MARCHF1: variants seen among roughly 807,000 people sequenced by gnomAD.
MARCHF1 encodes membrane associated ring-CH-type finger 1.
Under a neutral mutation model 54.2 loss-of-function variants are expected in MARCHF1, and 40 were observed. That is an observed-to-expected ratio of 0.74 (90% CI 0.57 to 0.96). MARCHF1 has a LOEUF of 0.96. Ranked by LOEUF, MARCHF1 falls within the 40% of genes least tolerant of loss-of-function variation. MARCHF1 has a pLI of 0.00. For synonymous variants in MARCHF1, 236 were observed against 236.3 expected (o/e 1.00, Z 0.01); for missense variants, 586 against 656.5 (o/e 0.89, Z 1.17).
At chr4:163,891,011 T>C (rs1359944125) in intron 3 of MARCHF1, among the ~76,000 whole-genome samples, 1 of 152,284 alleles carries the variant, frequency 6.6e-6, no homozygotes, top group East Asian at 1.9e-4. Flanking sequence ...TTTATTTTTC[T>C]GACTTAACCC....
chr4:164,047,099 T>C (rs553016152), intron 2 of MARCHF1, among the ~76,000 whole-genome samples: 1 of 152,296 alleles, frequency 6.6e-6, no homozygotes, highest in South Asian at 2.1e-4. Flanking sequence ...TTGCTAAGGA[T>C]ATATCCAAAT....
In MARCHF1 at chr4:164,325,022, A is replaced by C. The variant is rs28448653; in HGVS notation, c.-323+58848T>G. Among the ~76,000 whole-genome samples, 1,104 of 152,076 alleles carry C rather than the reference A, an allele frequency of 7.3e-3. 19 individuals carry two copies. Among genetic ancestry groups the C allele is most frequent in the African/African-American group, 0.022 (919 of 41,554 alleles). On this transcript the variant is annotated intron_variant, in intron 1 of 9. Coordinates refer to ENST00000514618, the MANE Select transcript of MARCHF1 (RefSeq NM_001394959.1). The stretch of plus-strand genomic sequence containing the variant: ...AATAAAGGAAAAAAAGAATATCGAG[A>C]GTGGACAACATTTATTTGCCTTATA...
At chr4:164,278,164 G>A (rs1174855886) in intron 1 of MARCHF1, among the ~76,000 whole-genome samples, 1 of 152,138 alleles carries the variant, frequency 6.6e-6, no homozygotes, top group Non-Finnish European at 1.5e-5. Flanking sequence ...ACAAAAATTA[G>A]CCAAGTTTGG....
chr4:164,344,772 T>C (rs1325064298), intron 1 of MARCHF1, among the ~76,000 whole-genome samples: 1 of 152,076 alleles, frequency 6.6e-6, no homozygotes, highest in Admixed American at 6.6e-5. Flanking sequence ...TCCATCAACA[T>C]ACAAAGAAAT....
intron 4 of MARCHF1, among the ~76,000 whole-genome samples, chr4:163,851,570 T>C (rs889960581): frequency 6.6e-6 from 1 of 152,196 alleles, no homozygotes; most frequent in African/African-American, 2.4e-5. Flanking sequence ...CTGAAAGAAT[T>C]TGAGTTGTCA....
chr4:163,847,819 G>A (rs1306911336), intron 4 of MARCHF1, among the ~76,000 whole-genome samples: 7 of 152,146 alleles, frequency 4.6e-5, no homozygotes, highest in Middle Eastern at 3.4e-3. Flanking sequence ...GGCGTCAAGC[G>A]ATCCTCCTGC....
chr4:163,890,432 A>G (rs1750636449), intron 3 of MARCHF1, among the ~76,000 whole-genome samples: 1 of 152,078 alleles, frequency 6.6e-6, no homozygotes, highest in African/African-American at 2.4e-5. Flanking sequence ...CCAGAAAATA[A>G]GAGTGTGGAC....
intron 1 of MARCHF1, among the ~76,000 whole-genome samples, chr4:164,145,319 T>C (rs1384380542): frequency 6.6e-6 from 1 of 152,058 alleles, no homozygotes; most frequent in Non-Finnish European, 1.5e-5. Context: ...CTAACTCATT[T>C]TATGAGGCCA....
In MARCHF1 at chr4:164,114,829, T is replaced by C. The variant is rs566394613; in HGVS notation, c.-322-3167A>G. 1.2e-4 allele frequency among the ~76,000 whole-genome samples: 18 copies of C among 149,882 alleles called. No homozygotes were observed. The South Asian group carries it at 2.9e-3, about 24-fold the overall frequency. ...AAAAAAAAAAGGCAGAGGAAAACAC[T>C]TCAGAGCTATTAATTTTAGCAGAAT... On this transcript the variant is annotated intron_variant, in intron 1 of 9. Transcript: ENST00000514618.
intron 5 of MARCHF1, 98 bp downstream of exon 5, chr4:163,700,715 T>C (rs1744785362): frequency 1.7e-5 from 15 of 878,310 alleles, no homozygotes; most frequent in Non-Finnish European, 2.5e-5. Context: ...ATTTGTGTTC[T>C]GCTCACAGAT....
Position 164,197,601 on chromosome 4 carries a change from G to T in MARCHF1, c.-322-85939C>A, listed in dbSNP as rs147783859. Reference sequence around the variant, plus strand: ...ATTCCAGTTCTTCAAATTCATCTGTGAGGGCTTCGAGTTTGCCTTCATTCG... The same window carrying T: ...ATTCCAGTTCTTCAAATTCATCTGTTAGGGCTTCGAGTTTGCCTTCATTCG... On this transcript the variant is annotated intron_variant, in intron 1 of 9. Coordinates refer to ENST00000514618, the MANE Select transcript of MARCHF1 (RefSeq NM_001394959.1). The T allele has an allele frequency of 1.2e-5, 20 of 1,612,976 alleles. No individual in the cohort carries two copies. In the African/African-American group the frequency reaches 2.0e-4, roughly 16 times the overall value.
At chr4:164,150,194 T>C (rs561478568) in intron 1 of MARCHF1, among the ~76,000 whole-genome samples, 1 of 152,304 alleles carries the variant, frequency 6.6e-6, no homozygotes, top group South Asian at 2.1e-4. Flanking sequence ...AATACATAAA[T>C]TTTATTCTTA....
chr4:163,985,399 A>T (rs1752842559), intron 3 of MARCHF1, among the ~76,000 whole-genome samples: 1 of 152,178 alleles, frequency 6.6e-6, no homozygotes, highest in African/African-American at 2.4e-5. Flanking sequence ...TTCCAGGGTT[A>T]TTAACCAAAC....
At chr4:164,236,345 CTGAT>C (rs1269621848) in intron 1 of MARCHF1, among the ~76,000 whole-genome samples, 16 of 152,138 alleles carry the variant, frequency 1.1e-4, no homozygotes, top group Non-Finnish European at 2.2e-4. Context: ...ATGCTGCTGA[CTGAT>C]TAACACTGAA....
intron 1 of MARCHF1, among the ~76,000 whole-genome samples, chr4:164,286,261 T>C (rs1420274767): frequency 6.6e-6 from 1 of 152,204 alleles, no homozygotes; most frequent in African/African-American, 2.4e-5. Context: ...CAACATTCCA[T>C]ATACCTGTTT....
intron 1 of MARCHF1, among the ~76,000 whole-genome samples, chr4:164,237,982 A>G (rs1579647926): frequency 6.6e-6 from 1 of 152,114 alleles, no homozygotes; most frequent in Non-Finnish European, 1.5e-5. Flanking sequence ...TGATTTATCT[A>G]TACATGGGAA....
At chr4:164,006,416 G>C (rs1021885818) in intron 2 of MARCHF1, among the ~76,000 whole-genome samples, 24 of 150,256 alleles carry the variant, frequency 1.6e-4, no homozygotes, top group African/African-American at 5.5e-4. Context: ...AAAATACACA[G>C]TCAGAGGAGA....
intron 4 of MARCHF1, among the ~76,000 whole-genome samples, chr4:163,739,486 G>A (rs1746135712): frequency 6.6e-6 from 1 of 152,202 alleles, no homozygotes; most frequent in African/African-American, 2.4e-5. Context: ...TGTGTGGTAA[G>A]TGTTATAGAA....
intron 2 of MARCHF1, among the ~76,000 whole-genome samples, chr4:164,110,618 T>C (rs1406450388): frequency 6.6e-6 from 1 of 151,646 alleles, no homozygotes; most frequent in African/African-American, 2.4e-5. Flanking sequence ...TTTAGATCCT[T>C]TTTTTCATCT....
Sources: gnomAD v4.1 joint callset for allele counts (sites outside exome capture counted in the v4.1 genomes callset) on GRCh38, gnomAD v4.1.1 for gene constraint, MANE v1.5 for transcripts, NCBI Gene and HGNC (gene_info 2026-07-23, HGNC 2026-07-21) for gene names.